PTPRD: variants seen among roughly 807,000 people sequenced by gnomAD.
The protein encoded by PTPRD is receptor-type tyrosine-protein phosphatase delta.
Under a neutral mutation model 214.5 loss-of-function variants are expected in PTPRD, and 34 were observed. That is an observed-to-expected ratio of 0.16 (90% confidence interval 0.12 to 0.21). PTPRD has a LOEUF of 0.21. Ranked by LOEUF, PTPRD falls within the 10% of genes least tolerant of loss-of-function variation. PTPRD has a pLI of 1.00. For missense variants in PTPRD, 2,545 were observed against 2,398.7 expected, an observed-to-expected ratio of 1.06 and a Z score of -1.27; for synonymous variants, 1,128 against 845.7, an observed-to-expected ratio of 1.33 and a Z score of -5.79.
chr9:8,851,101 A>G (rs879830901), intron 11 of PTPRD, among the ~76,000 whole-genome samples: 6 of 151,582 alleles, frequency 4.0e-5, no homozygotes, highest in African/African-American at 1.5e-4. Context: ...GGCTACAGGC[A>G]CCCACCATCC....
intron 3 of PTPRD, among the ~76,000 whole-genome samples, chr9:10,226,158 C>T (rs2099588214): frequency 6.6e-6 from 1 of 151,962 alleles, no homozygotes; most frequent in South Asian, 2.1e-4. Flanking sequence ...GATGATCCCC[C>T]CAAAATTGTA....
chr9:8,334,729 A>T (rs953188592), intron 43 of PTPRD, among the ~76,000 whole-genome samples: 2 of 107,456 alleles, frequency 1.9e-5, no homozygotes, highest in Non-Finnish European at 4.0e-5. Flanking sequence ...ACCCTTCAAA[A>T]AATCAATGAA....
chr9:9,334,665 T>C (rs1211235599), intron 9 of PTPRD, among the ~76,000 whole-genome samples: 1 of 151,998 alleles, frequency 6.6e-6, no homozygotes, highest in African/African-American at 2.4e-5. Flanking sequence ...CCTTTTTCAT[T>C]GGTAGATATC....
intron 4 of PTPRD, among the ~76,000 whole-genome samples, chr9:9,965,344 AGAG>A (rs1277766897): frequency 1.3e-5 from 2 of 152,142 alleles, no homozygotes; most frequent in Non-Finnish European, 2.9e-5. Flanking sequence ...GGTGTTAATG[AGAG>A]GAGAAGGCTT....
intron 11 of PTPRD, among the ~76,000 whole-genome samples, chr9:8,976,033 T>C (rs970274556): frequency 1.3e-5 from 2 of 152,008 alleles, no homozygotes; most frequent in Non-Finnish European, 2.9e-5. Context: ...AGATGATACG[T>C]TTTTGCCTTC....
intron 3 of PTPRD, among the ~76,000 whole-genome samples, chr9:10,171,170 T>A (rs1402181837): frequency 6.6e-6 from 1 of 152,198 alleles, no homozygotes; most frequent in Admixed American, 6.5e-5. Flanking sequence ...GGAGATCTAC[T>A]GTTCAACTTC....
intron 2 of PTPRD, among the ~76,000 whole-genome samples, chr9:10,501,873 A>G (rs1461581726): frequency 6.6e-6 from 1 of 151,948 alleles, no homozygotes; most frequent in African/African-American, 2.4e-5. Context: ...TTAGAATCAC[A>G]CAAGGAGTAT....
intron 10 of PTPRD, among the ~76,000 whole-genome samples, chr9:9,149,797 G>T (rs1042914666): frequency 6.6e-6 from 1 of 152,176 alleles, no homozygotes; most frequent in Non-Finnish European, 1.5e-5. Flanking sequence ...CAGGCATTTG[G>T]ATGCTGGCAG....
intron 11 of PTPRD, among the ~76,000 whole-genome samples, chr9:8,897,139 G>A (rs944628894): frequency 6.6e-6 from 1 of 152,088 alleles, no homozygotes; most frequent in South Asian, 2.1e-4. Context: ...TTTTGTTGAG[G>A]TAGAGACAGA....
chr9:9,785,176 A>G (rs1269490626), intron 5 of PTPRD, among the ~76,000 whole-genome samples: 1 of 152,034 alleles, frequency 6.6e-6, no homozygotes, highest in African/African-American at 2.4e-5. Context: ...ATCTTATTGT[A>G]TAATAAATAT....
chr9:10,316,157 GTATATC>G (rs1338776087), intron 3 of PTPRD, among the ~76,000 whole-genome samples: 6 of 124,174 alleles, frequency 4.8e-5, no homozygotes, highest in Admixed American at 4.3e-4. Context: ...ATGTATATAT[GTATATC>G]TATGTATATA....
At chr9:9,514,976 C>A (rs999676126) in intron 8 of PTPRD, among the ~76,000 whole-genome samples, 1 of 152,010 alleles carries the variant, frequency 6.6e-6, no homozygotes, top group Non-Finnish European at 1.5e-5. Flanking sequence ...AAATGCCAAA[C>A]CTTCATCAAT....
chr9:10,004,179 C>T (rs899736438), intron 4 of PTPRD, among the ~76,000 whole-genome samples: 6 of 151,514 alleles, frequency 4.0e-5, no homozygotes, highest in African/African-American at 1.2e-4. Flanking sequence ...AGAAAATGTG[C>T]CTAAATACAT....
intron 11 of PTPRD, among the ~76,000 whole-genome samples, chr9:8,819,382 GC>G (rs1468363051): frequency 1.3e-5 from 2 of 151,944 alleles, no homozygotes; most frequent in Admixed American, 6.6e-5. Context: ...GCTCTTTGGG[GC>G]CCAGCACAGT....
At chr9:8,373,831 T>C (rs1032888910) in intron 39 of PTPRD, among the ~76,000 whole-genome samples, 1 of 85,276 alleles carries the variant, frequency 1.2e-5, no homozygotes, top group Non-Finnish European at 2.0e-5. Flanking sequence ...TATGTATGTA[T>C]GTATGTATGT....
intron 2 of PTPRD, among the ~76,000 whole-genome samples, chr9:10,360,055 A>G (rs1248653540): frequency 6.6e-6 from 1 of 152,208 alleles, no homozygotes; most frequent in Non-Finnish European, 1.5e-5. Flanking sequence ...TTAGGCTTTT[A>G]TTAAGAGAAA....
chr9:9,425,324 A>G (rs955604558), intron 8 of PTPRD, among the ~76,000 whole-genome samples: 2 of 150,700 alleles, frequency 1.3e-5, no homozygotes, highest in Non-Finnish European at 3.0e-5. Flanking sequence ...AACTTTGATG[A>G]TGGTGTGTAG....
intron 22 of PTPRD, 95 bp from the exon 23 acceptor site, chr9:8,504,500 A>T: frequency 7.3e-7 from 1 of 1,369,066 alleles, no homozygotes; most frequent in Non-Finnish European, 1.0e-6. Context: ...TATCATCAGG[A>T]TTATAATCTC....
chr9:8,934,908 C>A (rs1169107770), intron 11 of PTPRD, among the ~76,000 whole-genome samples: 5 of 152,098 alleles, frequency 3.3e-5, no homozygotes, highest in Non-Finnish European at 7.4e-5. Context: ...ATAATGTCCT[C>A]CAGTTTCATC....
Sources: allele counts gnomAD v4.1 joint callset (sites outside exome capture counted in the v4.1 genomes callset), GRCh38; gene constraint gnomAD v4.1.1; transcripts MANE v1.5; gene names NCBI Gene and HGNC (gene_info 2026-07-23, HGNC 2026-07-21).